The following TCTN3 variants were observed in gnomAD, a reference collection of about 807,000 sequenced individuals.
TCTN3 encodes the protein tectonic family member 3.
A neutral mutation model predicts 71.3 loss-of-function variants in TCTN3; 57 were observed. The ratio of observed to expected loss-of-function variants is 0.80; its 90% CI spans 0.65 to 1.00. The LOEUF is 1.00. Ranked by LOEUF, TCTN3 falls within the 50% of genes least tolerant of loss-of-function variation. The pLI, the probability that TCTN3 is intolerant of heterozygous loss-of-function variation, is 0.00. For synonymous variants in TCTN3, 258 were observed against 267.8 expected (o/e 0.96, Z 0.36); for missense variants, 696 against 719.9 (o/e 0.97, Z 0.38).
chr10:95,680,641 T>C, intron 12 of TCTN3, 32 bp from the exon 13 acceptor site: 1 of 1,605,724 alleles, frequency 6.2e-7, no homozygotes, highest in Non-Finnish European at 8.5e-7. Context: ...TCTGCTTGAA[T>C]TGCCTGATGG....
rs1197452026 is a variant in TCTN3, at chr10:95,692,986, G to C, written c.433C>G (p.Pro145Ala). 1.2e-6 allele frequency: 2 copies of C among 1,614,098 alleles called. No homozygotes were observed. The highest frequency in any genetic ancestry group is 4.5e-5 in the East Asian group (2 of 44,888). Reference protein sequence around the residue: ...DNSVIFRSNSPFPSRVFMDSN... With the variant: ...DNSVIFRSNSAFPSRVFMDSN... ...TCCATGAAAACTCTTGAAGGAAACGGGGAATTACTCCTGAAGATAACAGAG... is the reference window on the plus strand; with the variant it reads ...TCCATGAAAACTCTTGAAGGAAACGCGGAATTACTCCTGAAGATAACAGAG... The change falls in exon 3 of 14, where the codon CCG becomes GCG. Residue 145 changes from proline to alanine, a missense_variant. Coordinates refer to ENST00000371217, the MANE Select transcript of TCTN3 (RefSeq NM_015631.6).
intron 13 of TCTN3, among the ~76,000 whole-genome samples, chr10:95,675,303 G>C (rs1236981331): frequency 2.0e-5 from 3 of 152,000 alleles, no homozygotes; most frequent in Non-Finnish European, 4.4e-5. Flanking sequence ...GTTTTGGCCA[G>C]ACCGGTCTCA....
chr10:95,681,548 T>C (rs527935928), intron 12 of TCTN3, among the ~76,000 whole-genome samples: 1 of 152,310 alleles, frequency 6.6e-6, no homozygotes, highest in African/African-American at 2.4e-5. Flanking sequence ...CCAAGTAGTC[T>C]GGAAGCCATC....
chr10:95,663,543 T>G lies in TCTN3; in HGVS notation c.*524A>C, dbSNP rs1430939356. The G allele has an allele frequency of 6.5e-6, 1 of 153,158 alleles. No individual in the cohort carries two copies. The highest frequency in any genetic ancestry group is 6.5e-5 in the Admixed American group (1 of 15,456). The allele number at this position is 153,158 out of a possible 1,614,324, so 9.5% of individuals were successfully genotyped here. Reference sequence around the variant, plus strand: ...ACTTTGGAAACTGAGGAGAAAGAACTGCTTTCCCCACTCGTGTCTGGGCAA... The same window carrying G: ...ACTTTGGAAACTGAGGAGAAAGAACGGCTTTCCCCACTCGTGTCTGGGCAA... On this transcript the variant is annotated 3_prime_UTR_variant, in exon 14 of 14. Coordinates refer to ENST00000371217, the MANE Select transcript of TCTN3 (RefSeq NM_015631.6).
At chr10:95,680,430 G>A (rs1274768242) in intron 13 of TCTN3, 42 bp downstream of exon 13, 4 of 1,558,714 alleles carry the variant, frequency 2.6e-6, no homozygotes, top group Admixed American at 4.1e-5. Flanking sequence ...AGACAATCTA[G>A]GCTTTGCAAG....
intron 13 of TCTN3, among the ~76,000 whole-genome samples, chr10:95,672,685 CTTTTTTTTT>C (rs766029244): frequency 1.2e-5 from 1 of 80,376 alleles, no homozygotes; most frequent in Admixed American, 1.4e-4. Flanking sequence ...CTGTTCAAAT[CTTTTTTTTT>C]TTTTTTTTTT....
Position 95,664,082 on chromosome 10 carries a change from G to A in TCTN3, c.1809C>T (p.Asn603=). ...ILCLLLLGVL[N]LETM ...TTTCTTTTCTTCACATAGTCTCTAG[G>A]TTGAGAACTCCAAGTAGTAAGAGGC... Residue 603 remains asparagine, a synonymous_variant, in exon 14 of 14, where the codon AAC becomes AAT. Transcript: ENST00000371217. 2 of 1,613,960 alleles carry A rather than the reference G, an allele frequency of 1.2e-6. No individual in the cohort carries two copies.
chr10:95,666,794 C>T (rs1230127087), intron 13 of TCTN3, among the ~76,000 whole-genome samples: 2 of 152,160 alleles, frequency 1.3e-5, no homozygotes, highest in Non-Finnish European at 2.9e-5. Context: ...AAACTGCCCA[C>T]TAGCAGTCCC....
Position 95,683,581 on chromosome 10 carries a change from T to C in TCTN3, c.1144A>G (p.Asn382Asp). 1 of 1,614,136 alleles carries C rather than the reference T, an allele frequency of 6.2e-7. No homozygotes were observed. Among genetic ancestry groups the C allele is most frequent in the Non-Finnish European group, 8.5e-7 (1 of 1,180,008 alleles). Residue 382 changes from asparagine to aspartate, a missense_variant, in exon 10 of 14, where the codon AAT becomes GAT. By Grantham distance (23) the Asn-to-Asp change is conservative. Coordinates refer to ENST00000371217, the MANE Select transcript of TCTN3 (RefSeq NM_015631.6). ...AASLTSPRSG[N>D]PGYIVGKPLL... ...GGCTTCCCAACTATATAGCCAGGAT[T>C]CCCACTTCTAGGACTGGTGAGAGAA...
rs1483911064 is a variant in TCTN3 at position 95,687,719 on chromosome 10, G to T, written c.500C>A (p.Ser167Ter). 1 of 1,605,110 alleles carries T rather than the reference G, an allele frequency of 6.2e-7. No homozygotes were observed. ...AAGCTTCTGGAAATAGTTTAAGTTT[G>T]CTAAAATGTTTTTTAAAAGAAAAAG... ...IRQFCVHVNN[S>*]NLNYFQKLQK... The change falls in exon 4 of 14, where the codon TCA becomes TAA. Residue 167 changes from serine (S) to a stop codon, truncating the protein, a stop_gained and splice_region_variant. Transcript: ENST00000371217. LOFTEE classifies it high-confidence loss of function.
intron 13 of TCTN3, among the ~76,000 whole-genome samples, chr10:95,667,681 C>T (rs544338603): frequency 6.6e-6 from 1 of 152,260 alleles, no homozygotes; most frequent in South Asian, 2.1e-4. Flanking sequence ...GGGAATTATC[C>T]CTTCTCTAAT....
intron 13 of TCTN3, among the ~76,000 whole-genome samples, chr10:95,677,554 T>C (rs2097938761): frequency 6.7e-6 from 1 of 149,512 alleles, no homozygotes. Context: ...TCCAAAAATT[T>C]TGCTACTTCA....
chr10:95,680,334 G>C, intron 13 of TCTN3, 138 bp downstream of exon 13: 1 of 909,390 alleles, frequency 1.1e-6, no homozygotes, highest in Middle Eastern at 3.7e-4. Flanking sequence ...GACAAATTAT[G>C]TCAGCTCACT....
chr10:95,688,397 GAAA>G (rs60722894), intron 3 of TCTN3, among the ~76,000 whole-genome samples: 4,031 of 104,676 alleles, frequency 0.039, 42 homozygotes, highest in Non-Finnish European at 0.052. Flanking sequence ...TCAAAAAAAA[GAAA>G]AAAAAAAAAA....
chr10:95,669,423 C>T (rs920087825), intron 13 of TCTN3, among the ~76,000 whole-genome samples: 5 of 152,184 alleles, frequency 3.3e-5, no homozygotes, highest in African/African-American at 1.2e-4. Context: ...CCCCCTCAAC[C>T]TCCACATCTA....
At chr10:95,665,275 A>C (rs1205456727) in intron 13 of TCTN3, among the ~76,000 whole-genome samples, 2 of 151,798 alleles carry the variant, frequency 1.3e-5, no homozygotes, top group African/African-American at 4.8e-5. Flanking sequence ...CACCTGGCTA[A>C]ATTTTTTTTT....
At chr10:95,664,993 A>T (rs4918956) in intron 13 of TCTN3, among the ~76,000 whole-genome samples, 128,003 of 152,184 alleles carry the variant, frequency 0.84, 54,378 homozygotes, top group Non-Finnish European at 0.91. Flanking sequence ...ATTTTCTTCA[A>T]TCACCCTCCT....
At chr10:95,672,036 A>C (rs1295868944) in intron 13 of TCTN3, among the ~76,000 whole-genome samples, 1 of 152,172 alleles carries the variant, frequency 6.6e-6, no homozygotes, top group Admixed American at 6.6e-5. Flanking sequence ...CCAATACGCA[A>C]AGCAAGGTCT....
At chr10:95,687,536 T>C in intron 4 of TCTN3, 56 bp downstream of exon 4, 4 of 1,601,460 alleles carry the variant, frequency 2.5e-6, no homozygotes, top group Non-Finnish European at 2.6e-6. Flanking sequence ...TTGTCAGCTG[T>C]CTGCTGTGAG....
Sources: gnomAD v4.1 joint callset for allele counts (sites outside exome capture counted in the v4.1 genomes callset) on GRCh38, gnomAD v4.1.1 for gene constraint, MANE v1.5 for transcripts, NCBI Gene and HGNC (gene_info 2026-07-23, HGNC 2026-07-21) for gene names.